Variants in OR10J1 observed in about 807,000 individuals in gnomAD.
OR10J1 encodes the protein olfactory receptor family 10 subfamily J member 1.
For synonymous variants in OR10J1, 202 were observed against 143.8 expected (o/e 1.40, Z -2.89); for missense variants, 474 against 376.6 (o/e 1.26, Z -2.14).
chr1:159,418,262 G>A, the OR10J1 span, among the ~76,000 whole-genome samples: 1 of 152,156 alleles, frequency 6.6e-6, no homozygotes, highest in Non-Finnish European at 1.5e-5. Context: ...ATGTCTCCAG[G>A]ACATGTTAGA....
upstream of OR10J1, among the ~76,000 whole-genome samples, chr1:159,434,411 A>G (rs554979728): frequency 6.6e-6 from 1 of 152,326 alleles, no homozygotes; most frequent in Non-Finnish European, 1.5e-5. Context: ...AAGTTTAGGA[A>G]TAGTGTATTA....
chr1:159,420,375 G>A, the OR10J1 span, among the ~76,000 whole-genome samples: 1 of 151,864 alleles, frequency 6.6e-6, no homozygotes, highest in Non-Finnish European at 1.5e-5. Context: ...ATTGATTTCT[G>A]GTTGTTTTGT....
the OR10J1 span, chr1:159,405,464 C>T: frequency 2.7e-5 from 6 of 223,548 alleles, no homozygotes; most frequent in Non-Finnish European, 5.5e-5. Flanking sequence ...CTCTTCATGG[C>T]TCTGCACAGA....
chr1:159,419,806 G>A, the OR10J1 span, among the ~76,000 whole-genome samples: 1 of 152,178 alleles, frequency 6.6e-6, no homozygotes, highest in African/African-American at 2.4e-5. Context: ...TTCTGTAGTT[G>A]TTGGATGAAA....
At chr1:159,414,026 GT>G in the OR10J1 span, among the ~76,000 whole-genome samples, 1 of 151,920 alleles carries the variant, frequency 6.6e-6, no homozygotes, top group East Asian at 1.9e-4. Flanking sequence ...TGCAGTGAAT[GT>G]ATAATGATCA....
the OR10J1 span, among the ~76,000 whole-genome samples, chr1:159,426,245 T>A: frequency 6.6e-6 from 1 of 151,864 alleles, no homozygotes; most frequent in Non-Finnish European, 1.5e-5. Context: ...TTAAGCTAAT[T>A]AATGGAAACA....
Position 159,439,788 on chromosome 1 carries a change from A to G in OR10J1, c.-4A>G. 6.2e-7 allele frequency: 1 copy of G among 1,613,980 alleles called. No individual in the cohort carries two copies. Among genetic ancestry groups the G allele is most frequent in the Non-Finnish European group, 8.5e-7 (1 of 1,179,890 alleles). ...TTTTATGTTTCAGATTTGGGAACCA[A>G]TCCATGAAAAGAGAGAACTTTACTC... On this transcript the variant is annotated 5_prime_UTR_variant, in exon 1 of 1. Transcript: ENST00000423932.
chr1:159,436,793 T>C (rs1289121271), upstream of OR10J1, among the ~76,000 whole-genome samples: 1 of 152,152 alleles, frequency 6.6e-6, no homozygotes, highest in Non-Finnish European at 1.5e-5. Context: ...TCAAATACTC[T>C]TTTGTAATCT....
the OR10J1 span, among the ~76,000 whole-genome samples, chr1:159,411,026 T>C: frequency 2.0e-5 from 3 of 152,194 alleles, no homozygotes; most frequent in Non-Finnish European, 4.4e-5. Context: ...AGTTTCTTAA[T>C]CCTGAGTTCT....
the OR10J1 span, among the ~76,000 whole-genome samples, chr1:159,413,154 T>A: frequency 2.6e-5 from 4 of 151,988 alleles, no homozygotes; most frequent in Admixed American, 2.0e-4. Flanking sequence ...ACCTCACACT[T>A]GTTAGAATGG....
At chr1:159,430,640 GGTGT>G in the OR10J1 span, among the ~76,000 whole-genome samples, 373 of 140,932 alleles carry the variant, frequency 2.6e-3, 18 homozygotes, top group East Asian at 0.067. Context: ...AAAAAATTAT[GGTGT>G]GTGTGTGTGT....
chr1:159,409,069 G>A, the OR10J1 span, among the ~76,000 whole-genome samples: 7 of 152,074 alleles, frequency 4.6e-5, no homozygotes, highest in Non-Finnish European at 1.5e-5. Context: ...AGTATTGTGT[G>A]AGCTGAATGA....
chr1:159,402,663 ATTG>A, the OR10J1 span, among the ~76,000 whole-genome samples: 2 of 152,094 alleles, frequency 1.3e-5, no homozygotes, highest in Non-Finnish European at 2.9e-5. Flanking sequence ...AAGAATCAAT[ATTG>A]TTAAACTATT....
the OR10J1 span, chr1:159,406,203 G>C: frequency 5.7e-6 from 3 of 521,952 alleles, no homozygotes; most frequent in South Asian, 4.3e-5. Context: ...GGGTGTGGAG[G>C]TGAATGTCCA....
At chr1:159,399,197 A>G in the OR10J1 span, among the ~76,000 whole-genome samples, 17 of 152,168 alleles carry the variant, frequency 1.1e-4, no homozygotes, top group Admixed American at 1.0e-3. Context: ...CAGCAAAAAT[A>G]TCCTTGAAAT....
the OR10J1 span, among the ~76,000 whole-genome samples, chr1:159,421,510 A>G: frequency 6.6e-5 from 10 of 152,130 alleles, no homozygotes; most frequent in Non-Finnish European, 1.5e-5. Context: ...CTGGTGCAAT[A>G]GTTGCTTTTT....
At chr1:159,398,140 G>C in the OR10J1 span, among the ~76,000 whole-genome samples, 17 of 152,310 alleles carry the variant, frequency 1.1e-4, no homozygotes, top group African/African-American at 4.1e-4. Context: ...TCTTACCCAA[G>C]ACCATCAAGG....
chr1:159,429,986 C>A, the OR10J1 span, among the ~76,000 whole-genome samples: 3 of 152,048 alleles, frequency 2.0e-5, no homozygotes, highest in Non-Finnish European at 4.4e-5. Flanking sequence ...CCATCCTGCC[C>A]AGTGATATGT....
the OR10J1 span, among the ~76,000 whole-genome samples, chr1:159,427,475 G>A: frequency 1.3e-5 from 2 of 151,656 alleles, no homozygotes; most frequent in African/African-American, 4.8e-5. Context: ...GGACAGATAC[G>A]GAGGAACAAA....
Sources: gnomAD v4.1 joint callset for allele counts (sites outside exome capture counted in the v4.1 genomes callset) on GRCh38, gnomAD v4.1.1 for gene constraint, MANE v1.5 for transcripts, NCBI Gene and HGNC (gene_info 2026-07-23, HGNC 2026-07-21) for gene names.